The following ANO2 variants were observed in gnomAD, a reference collection of about 807,000 sequenced individuals.
ANO2 encodes anoctamin 2.
A neutral mutation model predicts 124.2 loss-of-function variants in ANO2; 101 were observed. The ratio of observed to expected loss-of-function variants is 0.81; its 90% CI spans 0.69 to 0.96. ANO2 has a LOEUF of 0.96. ANO2 is among the 40% of genes least tolerant of loss of function. The pLI, the probability that ANO2 is intolerant of heterozygous loss-of-function variation, is 0.00. For synonymous variants in ANO2, 486 were observed against 482.5 expected (o/e 1.01, Z -0.09); for missense variants, 1,293 against 1,274.5 (o/e 1.01, Z -0.22).
chr12:5,923,195 C>CAT (rs1491309551), intron 1 of ANO2, among the ~76,000 whole-genome samples: 8 of 10,262 alleles, frequency 7.8e-4, no homozygotes, highest in East Asian at 9.6e-3. Flanking sequence ...TACACACACA[C>CAT]GCACGCACAC....
chr12:5,770,404 T>C (rs899392733), intron 10 of ANO2, among the ~76,000 whole-genome samples: 1 of 152,192 alleles, frequency 6.6e-6, no homozygotes, highest in Non-Finnish European at 1.5e-5. Context: ...ACTCTTGGTT[T>C]CCTTGTTGCA....
chr12:5,814,328 T>G (rs1343274058), intron 7 of ANO2, among the ~76,000 whole-genome samples: 2 of 152,276 alleles, frequency 1.3e-5, no homozygotes. Flanking sequence ...GGTGTGCTAT[T>G]TGTTCCTATT....
intron 22 of ANO2, 127 bp from the exon 23 acceptor site, chr12:5,576,142 C>T: frequency 1.0e-6 from 1 of 957,170 alleles, no homozygotes; most frequent in Non-Finnish European, 1.5e-6. Flanking sequence ...TGATCAGGTC[C>T]CTGAGCTCAT....
chr12:5,886,156 G>C (rs1235560156), intron 3 of ANO2, among the ~76,000 whole-genome samples: 2 of 152,198 alleles, frequency 1.3e-5, no homozygotes, highest in Admixed American at 1.3e-4. Flanking sequence ...AGGAAAAGTA[G>C]AGATTTGAAC....
chr12:5,663,945 G>C (rs1023251728), intron 14 of ANO2, among the ~76,000 whole-genome samples: 1 of 152,208 alleles, frequency 6.6e-6, no homozygotes, highest in Non-Finnish European at 1.5e-5. Context: ...AGGATGCTTA[G>C]TGTTCTAACA....
intron 13 of ANO2, among the ~76,000 whole-genome samples, chr12:5,737,666 C>T (rs1325858307): frequency 6.6e-6 from 1 of 152,076 alleles, no homozygotes; most frequent in Non-Finnish European, 1.5e-5. Flanking sequence ...ACCCACCTCC[C>T]CCAGCCTCCT....
intron 16 of ANO2, among the ~76,000 whole-genome samples, chr12:5,634,207 G>A (rs1441339219): frequency 6.6e-6 from 1 of 152,186 alleles, no homozygotes; most frequent in African/African-American, 2.4e-5. Context: ...AAAGCAAAGT[G>A]CTCACCGTGG....
chr12:5,805,747 A>G (rs1953170929), intron 9 of ANO2, among the ~76,000 whole-genome samples: 1 of 152,144 alleles, frequency 6.6e-6, no homozygotes, highest in African/African-American at 2.4e-5. Flanking sequence ...CAGTTAAGGA[A>G]TTTGGACAGC....
chr12:5,906,536 C>A (rs1015353551), intron 3 of ANO2, among the ~76,000 whole-genome samples: 1 of 152,020 alleles, frequency 6.6e-6, no homozygotes, highest in African/African-American at 2.4e-5. Context: ...GTGGCTCATG[C>A]CTGTAATCCC....
intron 3 of ANO2, chr12:5,870,146 T>A (rs1955532636): frequency 6.6e-6 from 1 of 152,318 alleles, no homozygotes; most frequent in Non-Finnish European, 1.5e-5. Context: ...GAGCAATCCA[T>A]CTGCAGAGAA....
At chr12:5,627,920 C>A (rs1466762634) in intron 16 of ANO2, among the ~76,000 whole-genome samples, 1 of 151,438 alleles carries the variant, frequency 6.6e-6, no homozygotes, top group Non-Finnish European at 1.5e-5. Context: ...AAATGAGATC[C>A]CCTTCTCTAC....
intron 14 of ANO2, among the ~76,000 whole-genome samples, chr12:5,695,022 G>C (rs906625225): frequency 6.6e-6 from 1 of 152,110 alleles, no homozygotes; most frequent in Non-Finnish European, 1.5e-5. Flanking sequence ...ATACTTAAGT[G>C]CTACATAAGT....
At chr12:5,883,847 G>C (rs188948735) in intron 3 of ANO2, among the ~76,000 whole-genome samples, 1 of 152,258 alleles carries the variant, frequency 6.6e-6, no homozygotes, top group East Asian at 1.9e-4. Flanking sequence ...CATGTAATTA[G>C]AATTAATTGT....
intron 20 of ANO2, among the ~76,000 whole-genome samples, chr12:5,588,410 G>A (rs961667148): frequency 1.3e-5 from 2 of 152,188 alleles, no homozygotes; most frequent in African/African-American, 4.8e-5. Flanking sequence ...CTTGAAGCAC[G>A]TCTCCCGTGG....
At chr12:5,828,752 G>C (rs910891234) in intron 6 of ANO2, among the ~76,000 whole-genome samples, 5 of 152,236 alleles carry the variant, frequency 3.3e-5, no homozygotes, top group African/African-American at 1.2e-4. Flanking sequence ...ACAAAGGTGG[G>C]TCAGTGTAAA....
intron 16 of ANO2, among the ~76,000 whole-genome samples, chr12:5,623,104 C>T (rs1358873557): frequency 6.6e-6 from 1 of 152,046 alleles, no homozygotes; most frequent in Non-Finnish European, 1.5e-5. Flanking sequence ...GGCCACTAGG[C>T]AGGATTCCTC....
At chr12:5,612,797 G>A in intron 18 of ANO2, 41 bp from the exon 19 acceptor site, 7 of 1,610,402 alleles carry the variant, frequency 4.3e-6, no homozygotes, top group Non-Finnish European at 5.9e-6. Context: ...TAGAACAAAA[G>A]GGAGCTCTGA....
intron 20 of ANO2, among the ~76,000 whole-genome samples, chr12:5,587,885 G>C (rs1943198300): frequency 6.6e-6 from 1 of 151,992 alleles, no homozygotes. Context: ...AAGCCTGCTG[G>C]GCCCCAGCCC....
At chr12:5,603,944 C>CAG (rs752898256) in intron 19 of ANO2, among the ~76,000 whole-genome samples, 2 of 74,142 alleles carry the variant, frequency 2.7e-5, no homozygotes, top group Non-Finnish European at 2.3e-5. Context: ...GATTCCGTCT[C>CAG]AAAAAAAAAA....
Sources: gnomAD v4.1 joint callset for allele counts (sites outside exome capture counted in the v4.1 genomes callset) on GRCh38, gnomAD v4.1.1 for gene constraint, MANE v1.5 for transcripts, NCBI Gene and HGNC (gene_info 2026-07-23, HGNC 2026-07-21) for gene names.